The following CDPF1 variants were observed in gnomAD, a reference collection of about 807,000 sequenced individuals.
CDPF1 encodes the protein cysteine rich DPF motif domain containing 1, also known as cysteine-rich DPF motif domain-containing protein 1.
Under a neutral mutation model 8.3 loss-of-function variants are expected in CDPF1, and 8 were observed. The ratio of observed to expected loss-of-function variants is 0.96; its 90% CI spans 0.57 to 1.74. The LOEUF (loss-of-function observed/expected upper bound fraction) is 1.74, where lower values mean the gene tolerates loss of function less well. Among genes scored for constraint, CDPF1 ranks in the 40% most tolerant of loss-of-function variants. CDPF1 has a pLI of 0.00. For missense variants in CDPF1, 151 were observed against 155.3 expected, an observed-to-expected ratio of 0.97 and a Z score of 0.15; for synonymous variants, 62 against 62.9, an observed-to-expected ratio of 0.99 and a Z score of 0.07.
rs1366244570 is a variant in CDPF1, at chr22:46,246,259, G to A, written c.225+851C>T. Among the ~76,000 whole-genome samples the A allele has an allele frequency of 2.2e-5, 2 of 90,996 alleles. No individual in the cohort carries two copies. Among genetic ancestry groups the A allele is most frequent in the Middle Eastern group, 5.3e-3 (1 of 190 alleles). 59.7% of individuals were successfully genotyped at this position (90,996 alleles called of 152,430 possible). A position where few individuals can be genotyped will look rare whatever the true frequency, so the allele number is the denominator to read the frequency against. On this transcript the variant is annotated intron_variant, in intron 3 of 3. Coordinates refer to ENST00000314567, the MANE Select transcript of CDPF1 (RefSeq NM_207327.5). This position sits in a 1 kb window ranked among gnomAD's most constrained non-coding sequence, Gnocchi z 7.1. ...GTGCGCCCCCCACCCCCGCCACCCC[G>A]CTGCTCACGAAGAGCAGCCCAAGGC... is the stretch of plus-strand genomic sequence containing the variant.
chr22:46,244,666 T>TCGG lies in CDPF1; in HGVS notation c.*425_*426insCCG. On this transcript the variant is annotated 3_prime_UTR_variant, in exon 4 of 4. Coordinates refer to ENST00000314567, the MANE Select transcript of CDPF1 (RefSeq NM_207327.5). This position sits in a 1 kb window ranked among gnomAD's most constrained non-coding sequence, Gnocchi z 6.7. ...CCAGAAGGAGCTGCTGTCAGTGATT[T>TCGG]TCCTTACAGAGAGACCATTGCAGCC... 5.8e-6 allele frequency: 1 copy of TCGG among 172,744 alleles called. No homozygotes were observed. The highest frequency in any genetic ancestry group is 1.2e-5 in the Non-Finnish European group (1 of 80,108). 10.7% of individuals were successfully genotyped at this position (172,744 alleles called of 1,614,324 possible).
In CDPF1 at chr22:46,245,324, G is replaced by C. The variant is rs553138886; in HGVS notation, c.226-86C>G. On this transcript the variant is annotated intron_variant, in intron 3 of 3. Coordinates refer to ENST00000314567, the MANE Select transcript of CDPF1 (RefSeq NM_207327.5). This position sits in a 1 kb window ranked among gnomAD's most constrained non-coding sequence, Gnocchi z 6.9. The stretch of plus-strand genomic sequence containing the variant: ...CAGGGGCCAGCCCTTCCCACACTTG[G>C]GGGGCTGGGCTGGGGCCCCAGCATG... 8.1e-5 allele frequency: 122 copies of C among 1,499,910 alleles called. No individual in the cohort carries two copies. The highest frequency in any genetic ancestry group is 1.8e-4 in the Middle Eastern group (1 of 5,624). The allele number at this position is 1,499,910 out of a possible 1,614,324, so 92.9% of individuals were successfully genotyped here.
At position 46,246,452 on chromosome 22, in the gene CDPF1, T is replaced by C. The variant is rs1333066922; in HGVS notation, c.225+658A>G. The stretch of plus-strand genomic sequence containing the variant: ...TGGCCCATCTCGTCCCCCTGGCTAT[T>C]GATACAGCTCCCCTTTGTGTGTGTC... On this transcript the variant is annotated intron_variant, in intron 3 of 3. Coordinates refer to ENST00000314567, the MANE Select transcript of CDPF1 (RefSeq NM_207327.5). The surrounding 1 kb of genome is among the most constrained non-coding windows in gnomAD (Gnocchi z 7.1). 2.6e-5 allele frequency among the ~76,000 whole-genome samples: 4 copies of C among 152,212 alleles called. No homozygotes were observed. Among genetic ancestry groups the C allele is most frequent in the Admixed American group, 6.5e-5 (1 of 15,278 alleles).
At position 46,248,958 on chromosome 22, in the gene CDPF1, G is replaced by A. The variant is rs1400700001; in HGVS notation, c.1-674C>T. ...GGCGTGAACCCAGGAGACGGAGCTTGCAGTGAGCCGAGATCGCGTCACTGC... is the reference window on the plus strand; with the variant it reads ...GGCGTGAACCCAGGAGACGGAGCTTACAGTGAGCCGAGATCGCGTCACTGC... On this transcript the variant is annotated intron_variant, in intron 1 of 3. Transcript: ENST00000314567. This position sits in a 1 kb window ranked among gnomAD's most constrained non-coding sequence, Gnocchi z 4.1. 6.6e-6 allele frequency among the ~76,000 whole-genome samples: 1 copy of A among 152,210 alleles called. No homozygotes were observed. Among genetic ancestry groups the A allele is most frequent in the Non-Finnish European group, 1.5e-5 (1 of 68,034 alleles).
Position 46,248,497 on chromosome 22 carries a change from T to C in CDPF1, c.1-213A>G, listed in dbSNP as rs1156448636. On this transcript the variant is annotated intron_variant, in intron 1 of 3. Coordinates refer to ENST00000314567, the MANE Select transcript of CDPF1 (RefSeq NM_207327.5). The surrounding 1 kb of genome is among the most constrained non-coding windows in gnomAD (Gnocchi z 4.1). ...ATATTCCAATGGTTTAAGGTTTTTGTACTGCTAGAGAGAAGGATCCAGACA... is the reference window on the plus strand; with the variant it reads ...ATATTCCAATGGTTTAAGGTTTTTGCACTGCTAGAGAGAAGGATCCAGACA... Among the ~76,000 whole-genome samples, 1 of 152,240 alleles carries C rather than the reference T, an allele frequency of 6.6e-6. No homozygotes were observed. Among genetic ancestry groups the C allele is most frequent in the Non-Finnish European group, 1.5e-5 (1 of 68,042 alleles).
chr22:46,244,953 C>T lies in CDPF1; in HGVS notation c.*139G>A. ...GGCTGCTCCAAGCTGGACTCCAGCT[C>T]CCCTGGGCTGCAGTGCTGCTCCCAG... On this transcript the variant is annotated 3_prime_UTR_variant, in exon 4 of 4. Coordinates refer to ENST00000314567, the MANE Select transcript of CDPF1 (RefSeq NM_207327.5). The surrounding 1 kb of genome is among the most constrained non-coding windows in gnomAD (Gnocchi z 6.7). The T allele has an allele frequency of 9.0e-7, 1 of 1,112,382 alleles. No homozygotes were observed. Among genetic ancestry groups the T allele is most frequent in the Admixed American group, 2.6e-5 (1 of 38,680 alleles). 68.9% of individuals were successfully genotyped at this position (1,112,382 alleles called of 1,614,324 possible).
At position 46,249,778 on chromosome 22, in the gene CDPF1, T is replaced by TG. The variant is rs926866610; in HGVS notation, c.-1+477dup. On this transcript the variant is annotated intron_variant, in intron 1 of 3. Coordinates refer to ENST00000314567, the MANE Select transcript of CDPF1 (RefSeq NM_207327.5). This position sits in a 1 kb window ranked among gnomAD's most constrained non-coding sequence, Gnocchi z 4.6. ...GAGCGGGGGGTTGGGGAGCGGGGGC[T>TG]GGGGGGGCGGAGGTTGCGGTGAGCC... is the stretch of plus-strand genomic sequence containing the variant. Among the ~76,000 whole-genome samples the TG allele has an allele frequency of 2.2e-3, 45 of 20,462 alleles. No homozygotes were observed. Among genetic ancestry groups the TG allele is most frequent in the South Asian group, 5.9e-3 (3 of 508 alleles). The allele number at this position is 20,462 out of a possible 152,430, so 13.4% of individuals were successfully genotyped here.
chr22:46,247,072 G>GC lies in CDPF1; in HGVS notation c.225+37dup. On this transcript the variant is annotated intron_variant, in intron 3 of 3. Transcript: ENST00000314567. The surrounding 1 kb of genome is among the most constrained non-coding windows in gnomAD (Gnocchi z 4.3). ...CAGGGAGAGCTCCAGGATAACCACA[G>GC]CAAGGACAGGTGGCCCCAGCCCACG... is the stretch of plus-strand genomic sequence containing the variant. 6.6e-7 allele frequency: 1 copy of GC among 1,523,098 alleles called. No homozygotes were observed. The highest frequency in any genetic ancestry group is 2.3e-5 in the East Asian group (1 of 43,950). The allele number at this position is 1,523,098 out of a possible 1,614,324, so 94.3% of individuals were successfully genotyped here.
rs1807600 is a variant in CDPF1 at position 46,248,743 on chromosome 22, A to G, written c.1-459T>C. Reference sequence around the variant, plus strand: ...GGACATTAGAACTGTTTTCTTGGCCAGGCGCAGTGGCTCATGCCTGTAATC... The same window carrying G: ...GGACATTAGAACTGTTTTCTTGGCCGGGCGCAGTGGCTCATGCCTGTAATC... On this transcript the variant is annotated intron_variant, in intron 1 of 3. Coordinates refer to ENST00000314567, the MANE Select transcript of CDPF1 (RefSeq NM_207327.5). The surrounding 1 kb of genome is among the most constrained non-coding windows in gnomAD (Gnocchi z 4.1). 0.31 allele frequency among the ~76,000 whole-genome samples: 47,567 copies of G among 152,198 alleles called. 11,727 individuals are homozygous for G. Among genetic ancestry groups the G allele is most frequent in the African/African-American group, 0.69 (28,517 of 41,506 alleles).
chr22:46,245,105 C>T lies in CDPF1; in HGVS notation c.359G>A (p.Gly120Asp). 2 of 1,614,226 alleles carry T rather than the reference C, an allele frequency of 1.2e-6. No homozygotes were observed. Among genetic ancestry groups the T allele is most frequent in the South Asian group, 2.2e-5 (2 of 91,090 alleles). ...CCCCAGTTGCACTCACGTCCGAGAA[C>T]CGGGCTGGCTGGGGGTCCTCTTTGA... The part of the protein sequence containing the change: ...APSKRTPSQP[G>D]SRT The change falls in exon 4 of 4, where the codon GGT (glycine) becomes GAT (aspartate). Residue 120 changes from glycine (G) to aspartate (D), a missense_variant. Coordinates refer to ENST00000314567, the MANE Select transcript of CDPF1 (RefSeq NM_207327.5). This position sits in a 1 kb window ranked among gnomAD's most constrained non-coding sequence, Gnocchi z 6.9.
In CDPF1 at chr22:46,245,633, G is replaced by A. The variant is rs951709046; in HGVS notation, c.226-395C>T. Among the ~76,000 whole-genome samples, 2 of 152,230 alleles carry A rather than the reference G, an allele frequency of 1.3e-5. No homozygotes were observed. The highest frequency in any genetic ancestry group is 4.8e-5 in the African/African-American group (2 of 41,464). On this transcript the variant is annotated intron_variant, in intron 3 of 3. Coordinates refer to ENST00000314567, the MANE Select transcript of CDPF1 (RefSeq NM_207327.5). This position sits in a 1 kb window ranked among gnomAD's most constrained non-coding sequence, Gnocchi z 6.9. ...CTGGTGCTGGGAGCGGCAGGGGACA[G>A]GAAGGACAGCCCCACAGACCAAAGA...
chr22:46,248,023 C>A lies in CDPF1; in HGVS notation c.113+149G>T. On this transcript the variant is annotated intron_variant, in intron 2 of 3. Coordinates refer to ENST00000314567, the MANE Select transcript of CDPF1 (RefSeq NM_207327.5). This position sits in a 1 kb window ranked among gnomAD's most constrained non-coding sequence, Gnocchi z 4.1. ...CAGACCTCAAGCCTTGCCCAGGCCT[C>A]CAGAGATTACACCAGAAGCATTCAG... 3.6e-6 allele frequency: 2 copies of A among 561,336 alleles called. No individual in the cohort carries two copies. Among genetic ancestry groups the A allele is most frequent in the South Asian group, 4.7e-5 (2 of 42,132 alleles). The allele number at this position is 561,336 out of a possible 1,614,324, so 34.8% of individuals were successfully genotyped here. A position where few individuals can be genotyped will look rare whatever the true frequency, so the allele number is the denominator to read the frequency against.
chr22:46,246,932 C>T lies in CDPF1; in HGVS notation c.225+178G>A, dbSNP rs148953636. The stretch of plus-strand genomic sequence containing the variant: ...TACCTATTTCCATTCCTACACCAGG[C>T]TGAGACCCTCTAACTGACCCTAGCT... On this transcript the variant is annotated intron_variant, in intron 3 of 3. Transcript: ENST00000314567. The surrounding 1 kb of genome is among the most constrained non-coding windows in gnomAD (Gnocchi z 7.1). 4 of 1,406,402 alleles carry T rather than the reference C, an allele frequency of 2.8e-6. No homozygotes were observed. In the African/African-American group the frequency reaches 4.3e-5, roughly 15 times the overall value. 87.1% of individuals were successfully genotyped at this position (1,406,402 alleles called of 1,614,324 possible). A position where few individuals can be genotyped will look rare whatever the true frequency, so the allele number is the denominator to read the frequency against.
rs755026797 is a variant in CDPF1, at chr22:46,245,218, G to A, written c.246C>T (p.Ser82=). The A allele has an allele frequency of 2.5e-6, 4 of 1,614,038 alleles. No homozygotes were observed. Among genetic ancestry groups the A allele is most frequent in the Non-Finnish European group, 3.4e-6 (4 of 1,179,992 alleles). Residue 82 remains serine (S), a synonymous_variant, in exon 4 of 4, where the codon TCC becomes TCT. Coordinates refer to ENST00000314567, the MANE Select transcript of CDPF1 (RefSeq NM_207327.5). The surrounding 1 kb of genome is among the most constrained non-coding windows in gnomAD (Gnocchi z 6.9). ...CVGPECSLFY[S]KRFCLPCVRE... ...GGACACAAGGGAGGCAGAATCTCTT[G>A]GAGTAGAATAAACTGCATTCCTTAA...
Position 46,244,272 on chromosome 22 carries a change from C to G in CDPF1, c.*820G>C, listed in dbSNP as rs1936450821. ...GGGCTGAGTGCGAGATGGCAGGGGG[C>G]AAGCAGGCAAGCAGTGGGATGGTCT... On this transcript the variant is annotated 3_prime_UTR_variant, in exon 4 of 4. Transcript: ENST00000314567. This position sits in a 1 kb window ranked among gnomAD's most constrained non-coding sequence, Gnocchi z 6.7. The G allele has an allele frequency of 6.6e-6, 1 of 152,414 alleles. No homozygotes were observed. Among genetic ancestry groups the G allele is most frequent in the Non-Finnish European group, 1.5e-5 (1 of 68,360 alleles). 9.4% of individuals were successfully genotyped at this position (152,414 alleles called of 1,614,324 possible). A position where few individuals can be genotyped will look rare whatever the true frequency, so the allele number is the denominator to read the frequency against.
In CDPF1 at chr22:46,245,086, T is replaced by C. The variant is rs368195848; in HGVS notation, c.*6A>G. ...GTGCCGCCCGATGACCTAGCCCCAGTTGCACTCACGTCCGAGAACCGGGCT... is the reference window on the plus strand; with the variant it reads ...GTGCCGCCCGATGACCTAGCCCCAGCTGCACTCACGTCCGAGAACCGGGCT... On this transcript the variant is annotated 3_prime_UTR_variant, in exon 4 of 4. Transcript: ENST00000314567. The surrounding 1 kb of genome is among the most constrained non-coding windows in gnomAD (Gnocchi z 6.9). 4.6e-5 allele frequency: 74 copies of C among 1,613,976 alleles called. 1 individual carries two copies. Among genetic ancestry groups the C allele is most frequent in the East Asian group, 4.5e-4 (20 of 44,876 alleles).
In CDPF1 at chr22:46,244,959, G is replaced by T; in HGVS notation, c.*133C>A. 8.6e-7 allele frequency: 1 copy of T among 1,163,016 alleles called. No individual in the cohort carries two copies. Among genetic ancestry groups the T allele is most frequent in the Non-Finnish European group, 1.2e-6 (1 of 824,968 alleles). 72.0% of individuals were successfully genotyped at this position (1,163,016 alleles called of 1,614,324 possible). On this transcript the variant is annotated 3_prime_UTR_variant, in exon 4 of 4. Transcript: ENST00000314567. This position sits in a 1 kb window ranked among gnomAD's most constrained non-coding sequence, Gnocchi z 6.7. ...TCCAAGCTGGACTCCAGCTCCCCTG[G>T]GCTGCAGTGCTGCTCCCAGTGGTCC...
rs747792996 is a variant in CDPF1, at chr22:46,245,151, A to T, written c.313T>A (p.Leu105Met). ...TTTGATGGAGCTTTCCTTTTCTCCA[A>T]GTCTTGCCGAATTTCCTGAGGAAAA... Reference protein sequence around the residue: ...NAFPQEIRQDLEKRKAPSKRT... With the variant: ...NAFPQEIRQDMEKRKAPSKRT... Residue 105 changes from leucine (L) to methionine (M), a missense_variant, in exon 4 of 4, where the codon TTG becomes ATG. Physicochemically the swap from Leu to Met is conservative, Grantham distance 15. Transcript: ENST00000314567. The surrounding 1 kb of genome is among the most constrained non-coding windows in gnomAD (Gnocchi z 6.9). 2 of 1,614,244 alleles carry T rather than the reference A, an allele frequency of 1.2e-6. No individual in the cohort carries two copies. Among genetic ancestry groups the T allele is most frequent in the South Asian group, 2.2e-5 (2 of 91,082 alleles).
In CDPF1 at chr22:46,248,817, G is replaced by C. The variant is rs1219850094; in HGVS notation, c.1-533C>G. Among the ~76,000 whole-genome samples, 1 of 152,084 alleles carries C rather than the reference G, an allele frequency of 6.6e-6. No homozygotes were observed. The highest frequency in any genetic ancestry group is 1.5e-5 in the Non-Finnish European group (1 of 68,008). The stretch of plus-strand genomic sequence containing the variant: ...AGGCGGATCACGAGGTCAGGAGATC[G>C]AGACCATCTAGCTAACATGGTGAAA... On this transcript the variant is annotated intron_variant, in intron 1 of 3. Coordinates refer to ENST00000314567, the MANE Select transcript of CDPF1 (RefSeq NM_207327.5). The surrounding 1 kb of genome is among the most constrained non-coding windows in gnomAD (Gnocchi z 4.1).
Sources: gnomAD v4.1 joint callset for allele counts (sites outside exome capture counted in the v4.1 genomes callset) on GRCh38, gnomAD v4.1.1 for gene constraint, Gnocchi (gnomAD v3.1) non-coding constraint, MANE v1.5 for transcripts, NCBI Gene and HGNC (gene_info 2026-07-23, HGNC 2026-07-21) for gene names.